OPRM1: variants seen among roughly 807,000 people sequenced by gnomAD.
The protein encoded by OPRM1 is opioid receptor mu 1.
Under a neutral mutation model 31.8 loss-of-function variants are expected in OPRM1, and 27 were observed. That is an observed-to-expected ratio of 0.85 (90% confidence interval 0.63 to 1.17). The LOEUF (loss-of-function observed/expected upper bound fraction) is 1.17. Ranked by LOEUF, OPRM1 falls within the 50% of genes most tolerant of loss-of-function variation. The pLI, the probability that OPRM1 is intolerant of heterozygous loss-of-function variation, is 0.00. For missense variants in OPRM1, 536 were observed against 511.1 expected (o/e 1.05, Z -0.47); for synonymous variants, 196 against 189.9 (o/e 1.03, Z -0.26).
At chr6:154,178,693 TA>T (rs767864912) in intron 3 of OPRM1, among the ~76,000 whole-genome samples, 13 of 152,310 alleles carry the variant, frequency 8.5e-5, no homozygotes, top group Admixed American at 2.0e-4. Context: ...AAAAAACCAA[TA>T]TCTTCAATTT....
intron 1 of OPRM1, among the ~76,000 whole-genome samples, chr6:154,017,250 G>A (rs1260108488): frequency 6.6e-6 from 1 of 152,100 alleles, no homozygotes; most frequent in East Asian, 1.9e-4. Flanking sequence ...TGGTACTAGT[G>A]CCTGACAAAT....
chr6:154,079,496 G>A (rs1788614496), intron 1 of OPRM1, among the ~76,000 whole-genome samples: 1 of 152,172 alleles, frequency 6.6e-6, no homozygotes, highest in Non-Finnish European at 1.5e-5. Context: ...TGAGAAGTGA[G>A]CAGGCAGGGG....
intron 1 of OPRM1, among the ~76,000 whole-genome samples, chr6:154,076,349 A>G (rs1372128843): frequency 1.3e-5 from 2 of 152,368 alleles, no homozygotes; most frequent in South Asian, 4.1e-4. Context: ...TTTGCAGCAT[A>G]TATCTTAAAT....
downstream of OPRM1, among the ~76,000 whole-genome samples, chr6:154,134,877 G>C (rs1444887754): frequency 4.6e-5 from 7 of 152,016 alleles, no homozygotes. Context: ...GAGAATAGTA[G>C]TTAACCCAGT....
Position 154,039,388 on chromosome 6 carries a change from C to T in OPRM1, c.-157C>T. ...CAGATGCTCAGCTCGGTCCCCTCCG[C>T]CTGACGCTCCTCTCTGTCTCAGCCA... On this transcript the variant is annotated 5_prime_UTR_variant, in exon 1 of 4. Coordinates refer to ENST00000330432, the MANE Select transcript of OPRM1 (RefSeq NM_000914.5). The T allele has an allele frequency of 1.3e-6, 2 of 1,546,144 alleles. No individual in the cohort carries two copies. The highest frequency in any genetic ancestry group is 1.7e-6 in the Non-Finnish European group (2 of 1,143,484).
intron 3 of OPRM1, chr6:154,107,941 T>C: frequency 1.9e-6 from 1 of 539,908 alleles, no homozygotes; most frequent in South Asian, 2.5e-5. Flanking sequence ...ACAGAGGAGA[T>C]AAACACTGAT....
At chr6:154,112,347 T>G (rs562093057) in intron 3 of OPRM1, among the ~76,000 whole-genome samples, 1 of 152,328 alleles carries the variant, frequency 6.6e-6, no homozygotes, top group South Asian at 2.1e-4. Flanking sequence ...AGAAAACCAC[T>G]TATTACTCAC....
intron 3 of OPRM1, among the ~76,000 whole-genome samples, chr6:154,183,450 C>T (rs1406077530): frequency 6.6e-6 from 1 of 152,174 alleles, no homozygotes; most frequent in African/African-American, 2.4e-5. Flanking sequence ...CATTTGAGAA[C>T]ATTTTGACCA....
At chr6:154,011,384 G>T (rs1165476761) in intron 1 of OPRM1, among the ~76,000 whole-genome samples, 2 of 152,008 alleles carry the variant, frequency 1.3e-5, no homozygotes, top group African/African-American at 2.4e-5. Flanking sequence ...CCCAGCTAAG[G>T]AAATTAATAT....
At chr6:154,211,885 AAGGAGG>A (rs1364496033) in intron 3 of OPRM1, among the ~76,000 whole-genome samples, 2 of 152,314 alleles carry the variant, frequency 1.3e-5, no homozygotes, top group Admixed American at 1.3e-4. Flanking sequence ...CATAAAGAAA[AAGGAGG>A]AGGAGGAAGC....
chr6:154,034,334 G>C (rs543576348), upstream of OPRM1, among the ~76,000 whole-genome samples: 6 of 152,304 alleles, frequency 3.9e-5, no homozygotes, highest in East Asian at 1.2e-3. Context: ...GACGAGGTCA[G>C]GAGATCGAGA....
At position 154,096,297 on chromosome 6, in the gene OPRM1, T is replaced by G. The variant is rs144621204; in HGVS notation, c.1164+4825T>G. 1.0e-2 allele frequency among the ~76,000 whole-genome samples: 1,519 copies of G among 152,238 alleles called. 24 individuals are homozygous for G. The highest frequency in any genetic ancestry group is 0.035 in the African/African-American group (1,461 of 41,564). The stretch of plus-strand genomic sequence containing the variant: ...CTGGCCTCAAACTCTTGACCCCAAG[T>G]GATCCGCCCACCTCAGCCTCCCAAA... On this transcript the variant is annotated intron_variant, in intron 3 of 3. Transcript: ENST00000330432.
chr6:154,129,212 G>A lies in OPRM1; in HGVS notation c.*10491G>A, dbSNP rs1797752101. On this transcript the variant is annotated 3_prime_UTR_variant, in exon 4 of 4. Coordinates refer to ENST00000330432, the MANE Select transcript of OPRM1 (RefSeq NM_000914.5). ...TGATTTGAGCAAGCAAGGGGTATGT[G>A]ACAGGGGCTGCATGCACCGGTGGTC... Among the ~76,000 whole-genome samples, 1 of 152,350 alleles carries A rather than the reference G, an allele frequency of 6.6e-6. No individual in the cohort carries two copies. The highest frequency in any genetic ancestry group is 1.5e-5 in the Non-Finnish European group (1 of 68,030).
Position 154,119,419 on chromosome 6 carries a change from TG to T in OPRM1, c.*703del. ...TGCAAATACTTCCAAAGAGTCATCA[TG>T]GGGGATTTTTCATTCTTAGGCTTTC... is the stretch of plus-strand genomic sequence containing the variant. On this transcript the variant is annotated 3_prime_UTR_variant, in exon 4 of 4. Transcript: ENST00000330432. 3.0e-6 allele frequency: 3 copies of T among 985,388 alleles called. No individual in the cohort carries two copies. The highest frequency in any genetic ancestry group is 3.6e-6 in the Non-Finnish European group (3 of 829,914). 61.0% of individuals were successfully genotyped at this position (985,388 alleles called of 1,614,324 possible).
intron 1 of OPRM1, among the ~76,000 whole-genome samples, chr6:154,064,195 CTG>C (rs1320821964): frequency 5.3e-5 from 8 of 152,048 alleles, no homozygotes; most frequent in African/African-American, 1.9e-4. Context: ...AGGTGTCTCA[CTG>C]TGGTTTAATT....
intron 1 of OPRM1, among the ~76,000 whole-genome samples, chr6:154,032,368 T>C (rs1163045932): frequency 6.6e-6 from 1 of 152,218 alleles, no homozygotes; most frequent in Non-Finnish European, 1.5e-5. Context: ...AAGTTGTTCA[T>C]TGTCACACCA....
rs1797940806 is a variant in OPRM1, at chr6:154,132,283, G to A, written c.*13562G>A. ...CCAGCATACATAAACATATTAGGCT[G>A]TATTGTAAGTTTCCTGCATGTAATA... On this transcript the variant is annotated 3_prime_UTR_variant, in exon 4 of 4. Transcript: ENST00000330432. Among the ~76,000 whole-genome samples, 1 of 152,176 alleles carries A rather than the reference G, an allele frequency of 6.6e-6. No homozygotes were observed. Among genetic ancestry groups the A allele is most frequent in the Non-Finnish European group, 1.5e-5 (1 of 68,022 alleles).
At chr6:154,048,248 A>C (rs1050737613) in intron 1 of OPRM1, among the ~76,000 whole-genome samples, 1 of 152,096 alleles carries the variant, frequency 6.6e-6, no homozygotes, top group East Asian at 1.9e-4. Flanking sequence ...CTATCTTCCA[A>C]TATGCTTCAT....
intron 3 of OPRM1, among the ~76,000 whole-genome samples, chr6:154,147,349 G>C (rs908381937): frequency 1.3e-5 from 2 of 152,216 alleles, no homozygotes; most frequent in Admixed American, 6.5e-5. Flanking sequence ...AGGCAAGTTA[G>C]GGTGATGAAC....
Sources: allele counts gnomAD v4.1 joint callset (sites outside exome capture counted in the v4.1 genomes callset), GRCh38; gene constraint gnomAD v4.1.1; transcripts MANE v1.5; gene names NCBI Gene and HGNC (gene_info 2026-07-23, HGNC 2026-07-21).